The following AGL variants were observed in gnomAD, a reference collection of about 807,000 sequenced individuals.
The protein encoded by AGL is glycogen debranching enzyme.
In AGL, 128 loss-of-function variants were observed where a neutral mutation model predicts 199.3. The observed-to-expected ratio is 0.64, with a 90% CI of 0.56 to 0.74. The LOEUF (loss-of-function observed/expected upper bound fraction) is 0.74, where lower values mean the gene tolerates loss of function less well. Among genes scored for constraint, AGL ranks in the 30% least tolerant of loss-of-function variants. The pLI is 0.00. For missense variants in AGL, 1,809 were observed against 1,820.8 expected, an observed-to-expected ratio of 0.99 and a Z score of 0.12; for synonymous variants, 584 against 594.7, an observed-to-expected ratio of 0.98 and a Z score of 0.26.
At position 99,851,075 on chromosome 1, in the gene AGL, TC is replaced by T; in HGVS notation, c.34del (p.Leu12Ter). On this transcript the variant is annotated frameshift_variant, in exon 2 of 34. Transcript: ENST00000361915. LOFTEE classifies it high-confidence loss of function. ...GHSKQIRILLLNEMEKLEKTL... is the reference protein window; with the variant it reads ...GHSKQIRILLXNEMEKLEKTL... ...ACAGTAAACAGATTCGAATTTTACT[TC>T]TGAACGAAATGGAGAAACTGGAAAA... The T allele has an allele frequency of 6.2e-7, 1 of 1,614,118 alleles. No individual in the cohort carries two copies. The highest frequency in any genetic ancestry group is 8.5e-7 in the Non-Finnish European group (1 of 1,179,988).
intron 28 of AGL, 102 bp from the exon 29 acceptor site, chr1:99,912,303 A>G: frequency 3.5e-6 from 3 of 857,078 alleles, no homozygotes; most frequent in East Asian, 2.6e-5. Context: ...AATAGTTTTC[A>G]TAATATGTTA....
intron 20 of AGL, 47 bp downstream of exon 20, chr1:99,884,750 T>C: frequency 6.2e-7 from 1 of 1,607,578 alleles, no homozygotes; most frequent in Non-Finnish European, 8.5e-7. Context: ...AATAAGTAAG[T>C]TACCACTAGA....
At chr1:99,909,345 C>T (rs1654563163) in intron 27 of AGL, among the ~76,000 whole-genome samples, 1 of 152,026 alleles carries the variant, frequency 6.6e-6, no homozygotes, top group Admixed American at 6.6e-5. Flanking sequence ...TCGTGGTGCC[C>T]GCAGGTACCA....
At chr1:99,890,124 T>C (rs1241740906) in intron 21 of AGL, among the ~76,000 whole-genome samples, 1 of 152,314 alleles carries the variant, frequency 6.6e-6, no homozygotes, top group East Asian at 1.9e-4. Context: ...GTACACCATA[T>C]CCTTTTTATT....
rs1033373477 is a variant in AGL, at chr1:99,916,793, G to T, written c.4481+62G>T. 32 of 1,549,922 alleles carry T rather than the reference G, an allele frequency of 2.1e-5. No homozygotes were observed. In the South Asian group the frequency reaches 3.6e-4, roughly 17 times the overall value. On this transcript the variant is annotated intron_variant, in intron 33 of 33. Coordinates refer to ENST00000361915, the MANE Select transcript of AGL (RefSeq NM_000642.3). ...GTTTAGTCAGTTTATTAGCTATTAGGTAAATTACAGTTTCTTAGAATTGAT... is the reference window on the plus strand; with the variant it reads ...GTTTAGTCAGTTTATTAGCTATTAGTTAAATTACAGTTTCTTAGAATTGAT...
chr1:99,852,564 C>T, intron 2 of AGL: 3 of 424,254 alleles, frequency 7.1e-6, no homozygotes, highest in Non-Finnish European at 1.3e-5. Flanking sequence ...TTTGTAGAAA[C>T]TGGGTCTCAC....
intron 22 of AGL, 122 bp from the exon 23 acceptor site, chr1:99,891,484 T>C: frequency 6.6e-7 from 1 of 1,518,666 alleles, no homozygotes; most frequent in South Asian, 1.1e-5. Flanking sequence ...ATCTTTCAGT[T>C]ATAATAAATG....
chr1:99,902,364 A>G (rs1653909057), intron 26 of AGL, among the ~76,000 whole-genome samples: 1 of 152,226 alleles, frequency 6.6e-6, no homozygotes, highest in African/African-American at 2.4e-5. Flanking sequence ...CAGATGCTGG[A>G]TAACAAGCTA....
chr1:99,851,233 G>T (rs1240357493), intron 2 of AGL, 109 bp downstream of exon 2: 17 of 1,011,916 alleles, frequency 1.7e-5, no homozygotes, highest in Non-Finnish European at 2.6e-5. Context: ...ATTTCCAAGG[G>T]TCTAAAACTT....
chr1:99,874,973 G>A (rs1190603335), intron 8 of AGL, among the ~76,000 whole-genome samples, 163 bp downstream of exon 8: 2 of 152,086 alleles, frequency 1.3e-5, no homozygotes, highest in Non-Finnish European at 1.5e-5. Context: ...CACTTTTTCT[G>A]TGTGTGGGCC....
chr1:99,861,311 C>A, intron 2 of AGL, 192 bp from the exon 3 acceptor site: 6 of 1,456,636 alleles, frequency 4.1e-6, no homozygotes, highest in Non-Finnish European at 5.4e-6. Flanking sequence ...ATGATGTTTA[C>A]TATACTTGCT....
intron 21 of AGL, 124 bp from the exon 22 acceptor site, chr1:99,891,096 G>C: frequency 6.8e-6 from 8 of 1,180,424 alleles, no homozygotes; most frequent in Non-Finnish European, 8.7e-6. Flanking sequence ...TAGCCCTTGT[G>C]TGTGCCTCTA....
intron 17 of AGL, among the ~76,000 whole-genome samples, chr1:99,882,558 A>G (rs957103177): frequency 2.0e-5 from 3 of 152,224 alleles, no homozygotes; most frequent in Non-Finnish European, 4.4e-5. Flanking sequence ...TTCAAGGTCT[A>G]AAGTTGCACC....
At chr1:99,908,174 G>T (rs57617390) in intron 27 of AGL, among the ~76,000 whole-genome samples, 1 of 150,660 alleles carries the variant, frequency 6.6e-6, no homozygotes, top group South Asian at 2.1e-4. Context: ...GATCCATATT[G>T]AGTTAATTTT....
Position 99,881,593 on chromosome 1 carries a change from C to T in AGL, c.2210C>T (p.Pro737Leu). Residue 737 changes from proline to leucine, a missense_variant, in exon 17 of 34, where the codon CCT becomes CTT. Physicochemically the swap from Pro to Leu is moderately conservative, Grantham distance 98 (BLOSUM62 -3). Coordinates refer to ENST00000361915, the MANE Select transcript of AGL (RefSeq NM_000642.3). ...EDIVAVTRHS[P>L]SIHQSVVAVS... ...ATAGTGGCAGTAACAAGACACTCAC[C>T]TAGCATCCATCAGTCTGTTGTGGCT... The T allele has an allele frequency of 6.2e-7, 1 of 1,614,008 alleles. No individual in the cohort carries two copies.
intron 12 of AGL, among the ~76,000 whole-genome samples, chr1:99,878,940 A>G (rs3753492): frequency 0.056 from 8,565 of 152,306 alleles, 346 homozygotes; most frequent in East Asian, 0.16. Context: ...TTAATTTTAA[A>G]TTACAAAATC....
chr1:99,877,880 C>G, intron 12 of AGL, 52 bp downstream of exon 12: 2 of 1,565,918 alleles, frequency 1.3e-6, no homozygotes, highest in South Asian at 2.2e-5. Context: ...GTGTTCCTTC[C>G]TAGCTTTCCT....
At chr1:99,882,827 A>T (rs938991026) in intron 17 of AGL, among the ~76,000 whole-genome samples, 1 of 152,190 alleles carries the variant, frequency 6.6e-6, no homozygotes, top group Non-Finnish European at 1.5e-5. Context: ...AAAAATCATC[A>T]TATTCTATAT....
intron 21 of AGL, among the ~76,000 whole-genome samples, chr1:99,889,448 TC>T (rs1198857365): frequency 6.6e-6 from 1 of 152,108 alleles, no homozygotes; most frequent in Non-Finnish European, 1.5e-5. Flanking sequence ...CATGGTGGCT[TC>T]CACCTGTAAT....
Sources: allele counts gnomAD v4.1 joint callset (sites outside exome capture counted in the v4.1 genomes callset), GRCh38; gene constraint gnomAD v4.1.1; transcripts MANE v1.5; gene names NCBI Gene and HGNC (gene_info 2026-07-23, HGNC 2026-07-21).